AGBL1: variants seen among roughly 807,000 people sequenced by gnomAD.
The protein encoded by AGBL1 is cytosolic carboxypeptidase 4.
A neutral mutation model predicts 118.9 loss-of-function variants in AGBL1; 130 were observed. The ratio of observed to expected loss-of-function variants is 1.09; its 90% CI spans 0.95 to 1.26. AGBL1 has a LOEUF of 1.26. Ranked by LOEUF, AGBL1 falls within the 50% of genes most tolerant of loss-of-function variation. AGBL1 has a pLI of 0.00. For synonymous variants in AGBL1, 555 were observed against 478.9 expected, an observed-to-expected ratio of 1.16 and a Z score of -2.08; for missense variants, 1,584 against 1,298.1, an observed-to-expected ratio of 1.22 and a Z score of -3.38.
At chr15:86,342,845 T>C (rs902582793) in intron 17 of AGBL1, among the ~76,000 whole-genome samples, 14 of 152,344 alleles carry the variant, frequency 9.2e-5, no homozygotes, top group African/African-American at 3.1e-4. Flanking sequence ...AAGGAGCTTA[T>C]AGTATAGTAG....
At chr15:86,529,906 G>A (rs1226003266) in intron 19 of AGBL1, among the ~76,000 whole-genome samples, 1 of 139,684 alleles carries the variant, frequency 7.2e-6, no homozygotes, top group African/African-American at 2.9e-5. Flanking sequence ...ACAAGCAAAT[G>A]CTGAGAGATT....
chr15:86,420,214 A>C (rs1373578551), intron 18 of AGBL1, among the ~76,000 whole-genome samples: 1 of 152,106 alleles, frequency 6.6e-6, no homozygotes, highest in Non-Finnish European at 1.5e-5. Context: ...CACACAGGAG[A>C]GCTTCGGCTG....
chr15:86,425,147 C>G (rs1381654306), intron 18 of AGBL1, among the ~76,000 whole-genome samples: 1 of 152,160 alleles, frequency 6.6e-6, no homozygotes, highest in Non-Finnish European at 1.5e-5. Flanking sequence ...ACCCAAATGC[C>G]CATCAGTGAT....
chr15:86,403,161 G>A (rs2081473245), intron 18 of AGBL1, among the ~76,000 whole-genome samples: 1 of 152,152 alleles, frequency 6.6e-6, no homozygotes, highest in Non-Finnish European at 1.5e-5. Context: ...TGAGCACGGG[G>A]TGAGGGAGAG....
intron 24 of AGBL1, among the ~76,000 whole-genome samples, chr15:87,028,219 G>C (rs2081753734): frequency 6.6e-6 from 1 of 151,868 alleles, no homozygotes; most frequent in South Asian, 2.1e-4. Context: ...AGATTTCTCT[G>C]AGAATGTCTT....
At chr15:86,583,149 AT>A (rs199914959) in intron 21 of AGBL1, among the ~76,000 whole-genome samples, 69 of 150,628 alleles carry the variant, frequency 4.6e-4, no homozygotes, top group African/African-American at 1.1e-3. Context: ...GAGAATTGGA[AT>A]TTAAAAAAAA....
At chr15:86,530,818 C>T (rs2083339413) in intron 19 of AGBL1, among the ~76,000 whole-genome samples, 1 of 120,548 alleles carries the variant, frequency 8.3e-6, no homozygotes, top group Non-Finnish European at 1.7e-5. Flanking sequence ...CTCAAAGCCG[C>T]TCAACTACAT....
intron 21 of AGBL1, among the ~76,000 whole-genome samples, chr15:86,607,021 T>C (rs943544478): frequency 6.7e-6 from 1 of 148,436 alleles, no homozygotes; most frequent in African/African-American, 2.5e-5. Context: ...ACTCTCTCCA[T>C]AGTTTTGCCA....
chr15:86,664,691 G>A (rs542321584), intron 21 of AGBL1, among the ~76,000 whole-genome samples: 1 of 152,032 alleles, frequency 6.6e-6, no homozygotes, highest in African/African-American at 2.4e-5. Flanking sequence ...TTCATGGGAA[G>A]GAAAAAGTAG....
At chr15:86,426,021 G>A (rs1019458795) in intron 18 of AGBL1, among the ~76,000 whole-genome samples, 6 of 152,100 alleles carry the variant, frequency 3.9e-5, no homozygotes, top group African/African-American at 1.2e-4. Flanking sequence ...CCATGGGAGA[G>A]GTAGCAAACA....
intron 22 of AGBL1, among the ~76,000 whole-genome samples, chr15:86,895,321 C>T (rs1311509775): frequency 6.6e-6 from 1 of 151,398 alleles, no homozygotes; most frequent in Non-Finnish European, 1.5e-5. Context: ...CTTATGTCAT[C>T]TTATTCTCAT....
intron 23 of AGBL1, among the ~76,000 whole-genome samples, chr15:86,924,748 C>T (rs1010298686): frequency 3.3e-5 from 5 of 151,956 alleles, no homozygotes; most frequent in Admixed American, 1.3e-4. Flanking sequence ...TTACATTTTG[C>T]TACTCTGTGT....
intron 5 of AGBL1, among the ~76,000 whole-genome samples, chr15:86,175,152 G>C (rs1434869351): frequency 1.3e-5 from 2 of 151,760 alleles, no homozygotes; most frequent in Non-Finnish European, 2.9e-5. Flanking sequence ...TGTTCTTGTT[G>C]TTGTTGTTAG....
At chr15:86,369,113 T>C (rs2080932792) in intron 17 of AGBL1, among the ~76,000 whole-genome samples, 1 of 152,130 alleles carries the variant, frequency 6.6e-6, no homozygotes, top group Non-Finnish European at 1.5e-5. Context: ...AATTAATGGA[T>C]GCACTTCAGC....
intron 17 of AGBL1, among the ~76,000 whole-genome samples, chr15:86,325,943 A>G (rs1473619980): frequency 6.6e-6 from 1 of 152,200 alleles, no homozygotes; most frequent in Non-Finnish European, 1.5e-5. Flanking sequence ...GAAAATTCCA[A>G]GCCTTCCTAC....
At chr15:86,638,633 C>T (rs906587382) in intron 21 of AGBL1, among the ~76,000 whole-genome samples, 6 of 152,036 alleles carry the variant, frequency 3.9e-5, no homozygotes, top group Non-Finnish European at 8.8e-5. Flanking sequence ...CTAAGTAATC[C>T]GAATAGAGAG....
chr15:86,849,093 G>A (rs1369141304), intron 22 of AGBL1, among the ~76,000 whole-genome samples: 1 of 152,218 alleles, frequency 6.6e-6, no homozygotes, highest in African/African-American at 2.4e-5. Flanking sequence ...ACTGTCTAGT[G>A]AGGAGAGCTT....
intron 16 of AGBL1, among the ~76,000 whole-genome samples, chr15:86,282,582 C>G (rs1472838100): frequency 6.6e-6 from 1 of 152,168 alleles, no homozygotes; most frequent in Non-Finnish European, 1.5e-5. Flanking sequence ...AACTCATGGT[C>G]TTTGTCCTCT....
intron 18 of AGBL1, among the ~76,000 whole-genome samples, chr15:86,405,455 G>A (rs1305364029): frequency 2.0e-5 from 3 of 151,958 alleles, no homozygotes; most frequent in Non-Finnish European, 4.4e-5. Context: ...GGCGGAGCTT[G>A]CAAGTGAGCC....
Sources: gnomAD v4.1 joint callset for allele counts (sites outside exome capture counted in the v4.1 genomes callset) on GRCh38, gnomAD v4.1.1 for gene constraint, MANE v1.5 for transcripts, NCBI Gene and HGNC (gene_info 2026-07-23, HGNC 2026-07-21) for gene names.